The following SGPP2 variants were observed in gnomAD, a reference collection of about 807,000 sequenced individuals.
SGPP2 encodes the protein sphingosine 1-phosphate phosphohydrolase 2.
A neutral mutation model predicts 33.9 loss-of-function variants in SGPP2; 30 were observed. The observed-to-expected ratio is 0.89, with a 90% CI of 0.66 to 1.20. The LOEUF is 1.20. SGPP2 is among the 50% of genes most tolerant of loss of function. SGPP2 has a pLI of 0.00. For missense variants in SGPP2, 458 were observed against 532.1 expected (o/e 0.86, Z 1.37); for synonymous variants, 233 against 225.0 (o/e 1.04, Z -0.32).
intron 1 of SGPP2, among the ~76,000 whole-genome samples, chr2:222,433,551 G>A (rs1292073357): frequency 6.6e-6 from 1 of 152,138 alleles, no homozygotes; most frequent in Non-Finnish European, 1.5e-5. Flanking sequence ...AATCCTACCT[G>A]GTGAATGGAA....
At chr2:222,523,706 G>T (rs989131739) in intron 3 of SGPP2, among the ~76,000 whole-genome samples, 1 of 150,472 alleles carries the variant, frequency 6.6e-6, no homozygotes, top group African/African-American at 2.4e-5. Flanking sequence ...TATATTTATT[G>T]GTTTATTTAT....
At chr2:222,439,958 G>A (rs1697300069) in intron 1 of SGPP2, among the ~76,000 whole-genome samples, 1 of 152,144 alleles carries the variant, frequency 6.6e-6, no homozygotes, top group Non-Finnish European at 1.5e-5. Context: ...AGTATTGGAA[G>A]GAAATGGTGA....
At chr2:222,486,548 C>T (rs1386854148) in intron 2 of SGPP2, among the ~76,000 whole-genome samples, 1 of 152,124 alleles carries the variant, frequency 6.6e-6, no homozygotes, top group Non-Finnish European at 1.5e-5. Context: ...GGACTATTTG[C>T]CAACTTTCAA....
intron 1 of SGPP2, among the ~76,000 whole-genome samples, chr2:222,464,133 T>G (rs1697708003): frequency 6.6e-6 from 1 of 152,238 alleles, no homozygotes; most frequent in South Asian, 2.1e-4. Context: ...ATACAAGGGC[T>G]TAATAATTAA....
intron 2 of SGPP2, among the ~76,000 whole-genome samples, chr2:222,515,860 C>T (rs960959594): frequency 6.6e-6 from 1 of 151,946 alleles, no homozygotes; most frequent in African/African-American, 2.4e-5. Flanking sequence ...CCAGCCTGGC[C>T]AACATGGTGA....
At chr2:222,458,808 C>T (rs1023644421) in intron 1 of SGPP2, among the ~76,000 whole-genome samples, 7 of 152,176 alleles carry the variant, frequency 4.6e-5, no homozygotes, top group African/African-American at 1.7e-4. Context: ...CACCCCCAGC[C>T]CAGCGCAAGC....
chr2:222,481,651 C>A (rs1698030728), intron 2 of SGPP2, among the ~76,000 whole-genome samples: 1 of 152,168 alleles, frequency 6.6e-6, no homozygotes, highest in Non-Finnish European at 1.5e-5. Context: ...TATGACCTCC[C>A]AGGTCCTTTA....
chr2:222,511,155 C>T (rs920161522), intron 2 of SGPP2, among the ~76,000 whole-genome samples: 2 of 152,108 alleles, frequency 1.3e-5, no homozygotes, highest in South Asian at 2.1e-4. Context: ...TTTTCTCTGC[C>T]GTCCCCATAT....
Position 222,521,869 on chromosome 2 carries a change from G to A in SGPP2, c.481G>A (p.Gly161Arg). 6.2e-7 allele frequency: 1 copy of A among 1,611,024 alleles called. No individual in the cohort carries two copies. The highest frequency in any genetic ancestry group is 8.5e-7 in the Non-Finnish European group (1 of 1,178,850). Residue 161 changes from glycine (G) to arginine (R), a missense_variant, in exon 3 of 5, where the codon GGA (glycine) becomes AGA (arginine). Transcript: ENST00000321276. ...GGAAAAGAGACTGATCGCTGAATAT[G>A]GAATGCCATCCACCCACGCCATGGC... ...KLEKRLIAEY[G>R]MPSTHAMAAT...
intron 4 of SGPP2, among the ~76,000 whole-genome samples, chr2:222,554,749 C>T (rs143090910): frequency 4.1e-4 from 63 of 152,250 alleles, no homozygotes; most frequent in African/African-American, 1.4e-3. Flanking sequence ...CTGGGAACCT[C>T]GCCAGGGGTC....
At chr2:222,478,120 G>C (rs1697975831) in intron 2 of SGPP2, among the ~76,000 whole-genome samples, 1 of 150,156 alleles carries the variant, frequency 6.7e-6, no homozygotes, top group Non-Finnish European at 1.5e-5. Flanking sequence ...GTAAGGTAGT[G>C]TGTGCGTTCC....
intron 1 of SGPP2, among the ~76,000 whole-genome samples, chr2:222,468,237 G>A (rs1380182835): frequency 1.3e-5 from 2 of 152,038 alleles, no homozygotes; most frequent in East Asian, 3.9e-4. Context: ...AGGGCGGGGA[G>A]CGGCTGGCCT....
chr2:222,481,841 T>C (rs1698035076), intron 2 of SGPP2, among the ~76,000 whole-genome samples: 1 of 152,286 alleles, frequency 6.6e-6, no homozygotes, highest in East Asian at 1.9e-4. Flanking sequence ...TTTTCCCCAT[T>C]TGTAAGATTT....
At chr2:222,463,941 A>G (rs188254962) in intron 1 of SGPP2, among the ~76,000 whole-genome samples, 1 of 150,730 alleles carries the variant, frequency 6.6e-6, no homozygotes, top group Non-Finnish European at 1.5e-5. Flanking sequence ...AAGAGACTGA[A>G]TCAACCCTCC....
At chr2:222,429,861 G>A (rs893660658) in intron 1 of SGPP2, among the ~76,000 whole-genome samples, 1 of 152,144 alleles carries the variant, frequency 6.6e-6, no homozygotes, top group Non-Finnish European at 1.5e-5. Flanking sequence ...CACTACGAGG[G>A]CAGGTTTTCC....
At chr2:222,507,214 T>C (rs1698458217) in intron 2 of SGPP2, among the ~76,000 whole-genome samples, 1 of 152,170 alleles carries the variant, frequency 6.6e-6, no homozygotes, top group African/African-American at 2.4e-5. Context: ...TTCCTGAGTT[T>C]GTTAGAGTTT....
At chr2:222,468,781 C>T (rs1192585032) in intron 1 of SGPP2, among the ~76,000 whole-genome samples, 1 of 152,232 alleles carries the variant, frequency 6.6e-6, no homozygotes, top group Non-Finnish European at 1.5e-5. Context: ...AATCTGCATG[C>T]CTCCCCTTCT....
chr2:222,452,253 C>T (rs1022707679), intron 1 of SGPP2: 51 of 447,536 alleles, frequency 1.1e-4, no homozygotes, highest in Middle Eastern at 7.0e-4. Flanking sequence ...ATACCCCACC[C>T]TCCATCATAT....
At chr2:222,516,064 A>T (rs1179174720) in intron 2 of SGPP2, among the ~76,000 whole-genome samples, 5 of 152,190 alleles carry the variant, frequency 3.3e-5, no homozygotes, top group African/African-American at 1.2e-4. Flanking sequence ...ATAAAAATAT[A>T]TACAAGTTCA....
Sources: gnomAD v4.1 joint callset for allele counts (sites outside exome capture counted in the v4.1 genomes callset) on GRCh38, gnomAD v4.1.1 for gene constraint, MANE v1.5 for transcripts, NCBI Gene and HGNC (gene_info 2026-07-23, HGNC 2026-07-21) for gene names.